YTHDC2: variants seen among roughly 807,000 people sequenced by gnomAD.
YTHDC2 encodes the protein YTH N6-methyladenosine RNA binding protein C2.
Under a neutral mutation model 174.9 loss-of-function variants are expected in YTHDC2, and 45 were observed. The ratio of observed to expected loss-of-function variants is 0.26; its 90% CI spans 0.20 to 0.33. YTHDC2 has a LOEUF of 0.33. Ranked by LOEUF, YTHDC2 falls within the 10% of genes least tolerant of loss-of-function variation. The pLI is 1.00. For synonymous variants in YTHDC2, 657 were observed against 574.5 expected (o/e 1.14, Z -2.05); for missense variants, 1,650 against 1,723.7 (o/e 0.96, Z 0.76).
intron 10 of YTHDC2, among the ~76,000 whole-genome samples, chr5:113,545,249 C>G (rs1037363997): frequency 5.3e-5 from 8 of 152,064 alleles, no homozygotes; most frequent in Non-Finnish European, 1.2e-4. Flanking sequence ...TCCTACACAT[C>G]TTCTAGTCTA....
At position 113,565,778 on chromosome 5, in the gene YTHDC2, T is replaced by C. The variant is rs1777291810; in HGVS notation, c.2716-115T>C. On this transcript the variant is annotated intron_variant, in intron 20 of 29. Coordinates refer to ENST00000161863, the MANE Select transcript of YTHDC2 (RefSeq NM_022828.5). ...TAAAGTCTTAGATTTTATAGAAAAT[T>C]AGAATAAGGCAAATTCACGTCGAGG... is the stretch of plus-strand genomic sequence containing the variant. The C allele has an allele frequency of 4.7e-6, 5 of 1,068,506 alleles. No homozygotes were observed. In the East Asian group the frequency reaches 1.1e-4, roughly 24 times the overall value. The allele number at this position is 1,068,506 out of a possible 1,614,324, so 66.2% of individuals were successfully genotyped here.
intron 10 of YTHDC2, among the ~76,000 whole-genome samples, chr5:113,544,180 C>T (rs1199011282): frequency 6.6e-6 from 1 of 152,086 alleles, no homozygotes; most frequent in Non-Finnish European, 1.5e-5. Flanking sequence ...GACAAAGTCT[C>T]TCTCTGTCAT....
Position 113,566,016 on chromosome 5 carries a change from T to A in YTHDC2, c.2839T>A (p.Ser947Thr). Residue 947 changes from serine (S) to threonine (T), a missense_variant, in exon 21 of 30, where the codon TCA (serine) becomes ACA (threonine). Ser to Thr is a moderately conservative substitution (Grantham distance 58). Around this residue, in one of 5 missense-constraint regions of YTHDC2, gnomAD observed 913 missense variants for 940.4 expected, o/e 0.97. Transcript: ENST00000161863. ...RTQLLGQLRA[S>T]GFVRARGGGD... ...ACAGTTGCTTGGTCAACTTAGAGCA[T>A]CAGGTAAAGTTTTTCCCTCAAAGAG... The A allele has an allele frequency of 1.2e-6, 2 of 1,601,794 alleles. No homozygotes were observed. The highest frequency in any genetic ancestry group is 1.7e-6 in the Non-Finnish European group (2 of 1,174,750).
chr5:113,572,204 T>C (rs13153791), intron 23 of YTHDC2, among the ~76,000 whole-genome samples: 12,266 of 152,276 alleles, frequency 0.081, 713 homozygotes, highest in Non-Finnish European at 0.11. Context: ...ACTTCTTGAT[T>C]TCTGCCTTAA....
intron 10 of YTHDC2, among the ~76,000 whole-genome samples, chr5:113,545,163 G>A (rs1561653576): frequency 6.6e-6 from 1 of 152,080 alleles, no homozygotes; most frequent in Admixed American, 6.5e-5. Flanking sequence ...TGAGGTGTCT[G>A]GGTCAATTAC....
intron 18 of YTHDC2, among the ~76,000 whole-genome samples, chr5:113,561,957 G>GGGGTGTGT (rs1554099023): frequency 1.6e-4 from 22 of 134,960 alleles, no homozygotes; most frequent in African/African-American, 4.0e-4. Context: ...ATTAATTGTG[G>GGGGTGTGT]GTGTGTGTGT....
intron 4 of YTHDC2, 131 bp from the exon 5 acceptor site, chr5:113,532,748 T>G: frequency 1.4e-6 from 1 of 731,214 alleles, no homozygotes; most frequent in Non-Finnish European, 2.1e-6. Flanking sequence ...GTTACATGAA[T>G]GTTGTTGATT....
chr5:113,561,544 C>A (rs1260116372), intron 18 of YTHDC2, among the ~76,000 whole-genome samples: 2 of 151,374 alleles, frequency 1.3e-5, no homozygotes, highest in Non-Finnish European at 2.9e-5. Context: ...TCTCGGCTCA[C>A]TGCAACCTCC....
At chr5:113,548,857 A>T (rs915688411) in intron 11 of YTHDC2, 98 bp from the exon 12 acceptor site, 143 of 1,240,858 alleles carry the variant, frequency 1.2e-4, no homozygotes, top group Admixed American at 4.1e-4. Flanking sequence ...TTATTTAAAA[A>T]TTTTTTTGAA....
intron 8 of YTHDC2, 90 bp from the exon 9 acceptor site, chr5:113,540,878 A>T: frequency 7.9e-7 from 1 of 1,263,924 alleles, no homozygotes; most frequent in Non-Finnish European, 1.1e-6. Flanking sequence ...TTTAAGAGAT[A>T]CCAGATTCCC....
In YTHDC2 at chr5:113,541,006, G is replaced by A; in HGVS notation, c.1249G>A (p.Ala417Thr). Residue 417 changes from alanine (A) to threonine (T), a missense_variant, in exon 9 of 30, where the codon GCT becomes ACT. Around this residue, in one of 5 missense-constraint regions of YTHDC2, gnomAD observed 411 missense variants for 380.6 expected, o/e 1.08. Transcript: ENST00000161863. Reference sequence around the variant, plus strand: ...AACCACACTTACAGAATGGTACTCAGCTCAAGAAAATAGTTTCAAGCCTGA... The same window carrying A: ...AACCACACTTACAGAATGGTACTCAACTCAAGAAAATAGTTTCAAGCCTGA... Reference protein sequence around the residue: ...QQTTLTEWYSAQENSFKPESQ... With the variant: ...QQTTLTEWYSTQENSFKPESQ... The A allele has an allele frequency of 3.1e-6, 5 of 1,613,998 alleles. No individual in the cohort carries two copies. The highest frequency in any genetic ancestry group is 2.2e-5 in the East Asian group (1 of 44,870).
chr5:113,550,458 C>T (rs1016134487), intron 12 of YTHDC2, among the ~76,000 whole-genome samples: 1 of 151,972 alleles, frequency 6.6e-6, no homozygotes, highest in Non-Finnish European at 1.5e-5. Context: ...TATTATTAGG[C>T]TAAGCAGTAA....
intron 27 of YTHDC2, among the ~76,000 whole-genome samples, chr5:113,591,782 T>A (rs1383216700): frequency 6.6e-6 from 1 of 152,148 alleles, no homozygotes; most frequent in Admixed American, 6.5e-5. Flanking sequence ...TATTTGAAAT[T>A]GTTAGGAGGC....
At chr5:113,552,283 C>T (rs944302459) in intron 12 of YTHDC2, among the ~76,000 whole-genome samples, 1 of 152,058 alleles carries the variant, frequency 6.6e-6, no homozygotes, top group Non-Finnish European at 1.5e-5. Context: ...AATTTTAGAA[C>T]AGTTTCATCA....
chr5:113,559,501 G>A (rs918509427), intron 17 of YTHDC2, among the ~76,000 whole-genome samples: 2 of 152,166 alleles, frequency 1.3e-5, no homozygotes, highest in Non-Finnish European at 2.9e-5. Context: ...TGATGTTAAA[G>A]ATAAAGCCCA....
At chr5:113,533,181 A>T in intron 5 of YTHDC2, 136 bp downstream of exon 5, 1 of 908,524 alleles carries the variant, frequency 1.1e-6, no homozygotes, top group Middle Eastern at 3.1e-4. Flanking sequence ...TCAAGATATT[A>T]AAGTCATGTC....
At chr5:113,542,895 A>C (rs1775586554) in intron 10 of YTHDC2, among the ~76,000 whole-genome samples, 1 of 152,120 alleles carries the variant, frequency 6.6e-6, no homozygotes, top group Admixed American at 6.5e-5. Context: ...ATTATTGATT[A>C]CTTTCTTCTT....
In YTHDC2 at chr5:113,548,683, G is replaced by T. The variant is rs6889574; in HGVS notation, c.1622+16G>T. ...CAAATGGCTGGTAATTTTAAACTAC[G>T]TTGATTCTTCATATATCTTTGTATA... On this transcript the variant is annotated intron_variant, in intron 11 of 29. Transcript: ENST00000161863. 2 of 1,599,494 alleles carry T rather than the reference G, an allele frequency of 1.3e-6. No homozygotes were observed. Among genetic ancestry groups the T allele is most frequent in the East Asian group, 4.5e-5 (2 of 44,642 alleles).
intron 2 of YTHDC2, among the ~76,000 whole-genome samples, chr5:113,519,727 A>T (rs973972771): frequency 9.2e-5 from 14 of 152,196 alleles, no homozygotes; most frequent in African/African-American, 2.7e-4. Context: ...GTGTTGTTGT[A>T]TACTTGTGCT....
Sources: gnomAD v4.1 joint callset for allele counts (sites outside exome capture counted in the v4.1 genomes callset) on GRCh38, gnomAD v4.1.1 for gene constraint, gnomAD v4.1.1 regional missense constraint, MANE v1.5 for transcripts, NCBI Gene and HGNC (gene_info 2026-07-23, HGNC 2026-07-21) for gene names.